The following FOXP4 variants were observed in gnomAD, a reference collection of about 807,000 sequenced individuals.
FOXP4 encodes forkhead box P4, also known as forkhead box protein P4.
A neutral mutation model predicts 82.6 loss-of-function variants in FOXP4; 25 were observed. The observed-to-expected ratio is 0.30, with a 90% CI of 0.22 to 0.42. The LOEUF is 0.42. Ranked by LOEUF, FOXP4 falls within the 10% of genes least tolerant of loss-of-function variation. FOXP4 has a pLI of 1.00. For missense variants in FOXP4, 785 were observed against 900.9 expected (o/e 0.87, Z 1.65); for synonymous variants, 415 against 388.2 (o/e 1.07, Z -0.81).
chr6:41,590,266 C>G lies in FOXP4; in HGVS notation c.1358-5C>G. The G allele has an allele frequency of 1.2e-6, 2 of 1,614,022 alleles. No individual in the cohort carries two copies. Among genetic ancestry groups the G allele is most frequent in the Non-Finnish European group, 1.7e-6 (2 of 1,179,996 alleles). ...GGCTACCTCATCCTCTGCCTGTCTC[C>G]CCAGAGCTGGCCCAGAATCATGAGT... is the stretch of plus-strand genomic sequence containing the variant. On this transcript the variant is annotated splice_polypyrimidine_tract_variant and splice_region_variant and intron_variant, in intron 11 of 16. Transcript: ENST00000307972.
Position 41,591,408 on chromosome 6 carries a change from G to A in FOXP4, c.1536+86G>A. On this transcript the variant is annotated intron_variant, in intron 13 of 16. Transcript: ENST00000307972. This position sits in a 1 kb window ranked among gnomAD's most constrained non-coding sequence, Gnocchi z 4.2. Reference sequence around the variant, plus strand: ...GGAGACCAAGGCTGCCTAACAATTAGTTCCCTAAACCATTAGTCCTGCAGA... The same window carrying A: ...GGAGACCAAGGCTGCCTAACAATTAATTCCCTAAACCATTAGTCCTGCAGA... 1 of 1,189,258 alleles carries A rather than the reference G, an allele frequency of 8.4e-7. No individual in the cohort carries two copies. Among genetic ancestry groups the A allele is most frequent in the East Asian group, 2.5e-5 (1 of 39,284 alleles). The allele number at this position is 1,189,258 out of a possible 1,614,324, so 73.7% of individuals were successfully genotyped here.
chr6:41,574,579 G>T (rs1184725410), intron 2 of FOXP4, among the ~76,000 whole-genome samples: 2 of 152,218 alleles, frequency 1.3e-5, no homozygotes, highest in East Asian at 1.9e-4. Flanking sequence ...GGAGATGGGG[G>T]TTCACAGCTA....
intron 1 of FOXP4, among the ~76,000 whole-genome samples, chr6:41,554,598 G>T (rs1764174042): frequency 6.6e-6 from 1 of 152,214 alleles, no homozygotes; most frequent in South Asian, 2.1e-4. Context: ...AGTGGCTCAT[G>T]CCTGTAGTCC....
chr6:41,549,901 C>G (rs1426663813), intron 1 of FOXP4, among the ~76,000 whole-genome samples: 1 of 152,142 alleles, frequency 6.6e-6, no homozygotes, highest in Admixed American at 6.5e-5. Flanking sequence ...ACAGTGCAAG[C>G]CCCCCAGTCC....
At chr6:41,597,097 T>A (rs1766887723) in intron 14 of FOXP4, 79 bp from the exon 15 acceptor site, 13 of 1,471,498 alleles carry the variant, frequency 8.8e-6, no homozygotes, top group Non-Finnish European at 1.1e-5. Flanking sequence ...GCACAGGCCG[T>A]TACTTAGTGA....
intron 6 of FOXP4, 42 bp from the exon 7 acceptor site, chr6:41,587,257 G>A: frequency 6.2e-7 from 1 of 1,609,038 alleles, no homozygotes; most frequent in South Asian, 1.1e-5. Flanking sequence ...AGAAAGCCGA[G>A]TGTTCGTGGG....
At chr6:41,554,851 C>A (rs1764187786) in intron 1 of FOXP4, among the ~76,000 whole-genome samples, 1 of 151,232 alleles carries the variant, frequency 6.6e-6, no homozygotes, top group African/African-American at 2.4e-5. Context: ...CAGAATGAGA[C>A]TCTGCCTCCA....
intron 2 of FOXP4, among the ~76,000 whole-genome samples, chr6:41,574,326 A>C (rs1210646084): frequency 6.6e-6 from 1 of 152,320 alleles, no homozygotes; most frequent in East Asian, 1.9e-4. Flanking sequence ...GGACTCTGCC[A>C]CTTCCTAGCT....
intron 2 of FOXP4, among the ~76,000 whole-genome samples, chr6:41,567,395 G>T (rs1250387347): frequency 1.3e-5 from 2 of 152,238 alleles, no homozygotes; most frequent in Admixed American, 1.3e-4. Context: ...TCAGGAGTTT[G>T]CTGGCATCTC....
At position 41,597,179 on chromosome 6, in the gene FOXP4, C is replaced by T. The variant is rs1484173689; in HGVS notation, c.1662C>T (p.Ser554=). 3.1e-6 allele frequency: 5 copies of T among 1,614,148 alleles called. No homozygotes were observed. Among genetic ancestry groups the T allele is most frequent in the Admixed American group, 1.7e-5 (1 of 60,034 alleles). ...QKRRPPKMTG[S]PTLVKNMISG... ...GATGGCCTTCTCTGTCCTCCAGGAG[C>T]CCCACCCTGGTGAAGAACATGATCT... Residue 554 remains serine (S), a synonymous_variant, in exon 15 of 17, where the codon AGC becomes AGT. Coordinates refer to ENST00000307972, the MANE Select transcript of FOXP4 (RefSeq NM_001012426.2).
At chr6:41,557,781 T>A (rs2127325796) in intron 1 of FOXP4, among the ~76,000 whole-genome samples, 1 of 151,578 alleles carries the variant, frequency 6.6e-6, no homozygotes, top group Non-Finnish European at 1.5e-5. Context: ...GAGTACTCTA[T>A]TTTTTTTTCT....
chr6:41,590,120 G>A lies in FOXP4; in HGVS notation c.1307G>A (p.Gly436Asp). ...GGCTCTGCCTCCCTGCATGGTGGGG[G>A]CCCAGCCCGTCGGAGAAGCAGTGAC... ...GLGSASLHGGGPARRRSSDKF... is the reference protein window; with the variant it reads ...GLGSASLHGGDPARRRSSDKF... Residue 436 changes from glycine to aspartate, a missense_variant, in exon 11 of 17, where the codon GGC becomes GAC. By Grantham distance (94) the Gly-to-Asp change is moderately conservative. Around this residue, in one of 3 missense-constraint regions of FOXP4, gnomAD observed 570 missense variants for 634.0 expected, o/e 0.90. Coordinates refer to ENST00000307972, the MANE Select transcript of FOXP4 (RefSeq NM_001012426.2). The A allele has an allele frequency of 1.2e-6, 2 of 1,611,700 alleles. No individual in the cohort carries two copies. The highest frequency in any genetic ancestry group is 1.7e-6 in the Non-Finnish European group (2 of 1,178,314).
At chr6:41,597,515 G>C (rs566568002) in intron 15 of FOXP4, among the ~76,000 whole-genome samples, 2 of 152,160 alleles carry the variant, frequency 1.3e-5, no homozygotes, top group Non-Finnish European at 2.9e-5. Flanking sequence ...GGGGTTCTCT[G>C]TTCCCTGGGA....
Position 41,558,106 on chromosome 6 carries a change from G to A in FOXP4, c.-16-7639G>A, listed in dbSNP as rs566022972. On this transcript the variant is annotated intron_variant, in intron 1 of 16. Coordinates refer to ENST00000307972, the MANE Select transcript of FOXP4 (RefSeq NM_001012426.2). The surrounding 1 kb of genome is among the most constrained non-coding windows in gnomAD (Gnocchi z 4.0). ...TCAGGCAGAGATGGGGGTACAGAGG[G>A]AAGTCCAGCGTGCCAGCCTCTGACC... Among the ~76,000 whole-genome samples, 7 of 152,276 alleles carry A rather than the reference G, an allele frequency of 4.6e-5. No individual in the cohort carries two copies. The South Asian group carries it at 1.5e-3, about 32-fold the overall frequency.
intron 16 of FOXP4, 150 bp downstream of exon 16, chr6:41,598,100 C>T (rs1177507029): frequency 4.8e-6 from 3 of 628,350 alleles, no homozygotes; most frequent in African/African-American, 3.9e-5. Context: ...TCCCTCAGCC[C>T]TCTCAGCCCT....
chr6:41,562,652 C>T (rs1211265132), intron 1 of FOXP4, among the ~76,000 whole-genome samples: 1 of 152,232 alleles, frequency 6.6e-6, no homozygotes, highest in Non-Finnish European at 1.5e-5. Context: ...CTGCCAGATT[C>T]TCTTTCCTTT....
At chr6:41,552,824 G>T (rs1430632178) in intron 1 of FOXP4, among the ~76,000 whole-genome samples, 1 of 152,098 alleles carries the variant, frequency 6.6e-6, no homozygotes, top group Non-Finnish European at 1.5e-5. Context: ...GATTTTGTGG[G>T]TCTAGGCCTA....
intron 4 of FOXP4, among the ~76,000 whole-genome samples, chr6:41,585,188 C>A (rs1766035793): frequency 6.6e-6 from 1 of 152,148 alleles, no homozygotes. Flanking sequence ...TCCCCTGTGA[C>A]CTGCTCAGGA....
At position 41,590,495 on chromosome 6, in the gene FOXP4, T is replaced by A. The variant is rs536826662; in HGVS notation, c.1434+148T>A. On this transcript the variant is annotated intron_variant, in intron 12 of 16. Transcript: ENST00000307972. ...ACGTGGCGGTCTTCCCTCTCTGCTG[T>A]GCGGGGCTCTCCTGCAGGCTGGGCC... 1.6e-5 allele frequency: 13 copies of A among 800,722 alleles called. No homozygotes were observed. The South Asian group carries it at 2.3e-4, about 14-fold the overall frequency. 49.6% of individuals were successfully genotyped at this position (800,722 alleles called of 1,614,324 possible).
Sources: gnomAD v4.1 joint callset for allele counts (sites outside exome capture counted in the v4.1 genomes callset) on GRCh38, gnomAD v4.1.1 for gene constraint, gnomAD v4.1.1 regional missense constraint, Gnocchi (gnomAD v3.1) non-coding constraint, MANE v1.5 for transcripts, NCBI Gene and HGNC (gene_info 2026-07-23, HGNC 2026-07-21) for gene names.